The following TMEM132B variants were observed in gnomAD, a reference collection of about 807,000 sequenced individuals.
The protein encoded by TMEM132B is transmembrane protein 132B.
A neutral mutation model predicts 90.8 loss-of-function variants in TMEM132B; 18 were observed. The ratio of observed to expected loss-of-function variants is 0.20; its 90% CI spans 0.14 to 0.29. The LOEUF (loss-of-function observed/expected upper bound fraction) is 0.29. Ranked by LOEUF, TMEM132B falls within the 10% of genes least tolerant of loss-of-function variation. TMEM132B has a pLI of 1.00. For missense variants in TMEM132B, 1,096 were observed against 1,326.8 expected (o/e 0.83, Z 2.70); for synonymous variants, 504 against 523.3 (o/e 0.96, Z 0.50).
intron 7 of TMEM132B, among the ~76,000 whole-genome samples, chr12:125,651,711 G>A (rs969913693): frequency 4.6e-5 from 7 of 152,168 alleles, no homozygotes; most frequent in African/African-American, 1.7e-4. Context: ...TGTGCTCAGG[G>A]CACCATGAGG....
intron 3 of TMEM132B, among the ~76,000 whole-genome samples, chr12:125,508,356 G>A (rs936733286): frequency 4.6e-5 from 7 of 152,196 alleles, no homozygotes; most frequent in Non-Finnish European, 8.8e-5. Flanking sequence ...CATTGTTACA[G>A]TTCCCTTAAT....
chr12:125,444,940 C>T (rs1397799594), intron 3 of TMEM132B, among the ~76,000 whole-genome samples: 2 of 152,122 alleles, frequency 1.3e-5, no homozygotes, highest in African/African-American at 2.4e-5. Context: ...CCCCCACAAC[C>T]ACGGAAGGCA....
At chr12:125,245,884 G>T (rs1029867061) in intron 1 of TMEM132B, among the ~76,000 whole-genome samples, 5 of 152,180 alleles carry the variant, frequency 3.3e-5, no homozygotes, top group African/African-American at 1.2e-4. Flanking sequence ...GTCCTCCAGG[G>T]TCCAGGCTCT....
chr12:125,298,265 C>T (rs914554245), intron 1 of TMEM132B, among the ~76,000 whole-genome samples: 1 of 151,594 alleles, frequency 6.6e-6, no homozygotes, highest in African/African-American at 2.4e-5. Flanking sequence ...CACAACAAAA[C>T]AAAACAAAAT....
chr12:125,430,800 G>A (rs1306374336), intron 3 of TMEM132B, among the ~76,000 whole-genome samples: 1 of 152,230 alleles, frequency 6.6e-6, no homozygotes, highest in African/African-American at 2.4e-5. Context: ...ATATGCAATT[G>A]TATGTCAGGT....
At chr12:125,353,489 C>T (rs760763143) in intron 2 of TMEM132B, among the ~76,000 whole-genome samples, 1 of 152,238 alleles carries the variant, frequency 6.6e-6, no homozygotes, top group South Asian at 2.1e-4. Flanking sequence ...CGGGCAGTGG[C>T]ATACCCAGCA....
intron 1 of TMEM132B, among the ~76,000 whole-genome samples, chr12:125,305,066 A>T (rs554826314): frequency 6.6e-6 from 1 of 151,526 alleles, no homozygotes; most frequent in South Asian, 2.1e-4. Context: ...GAGGTTGGGC[A>T]CTCCTTGTCA....
intron 1 of TMEM132B, among the ~76,000 whole-genome samples, chr12:125,314,082 G>A (rs755250409): frequency 4.6e-5 from 7 of 152,050 alleles, no homozygotes; most frequent in Non-Finnish European, 1.0e-4. Context: ...CTGCCTGGGC[G>A]GCGTGCGAAC....
chr12:125,607,910 C>T (rs1381565582), intron 5 of TMEM132B, among the ~76,000 whole-genome samples: 1 of 152,174 alleles, frequency 6.6e-6, no homozygotes, highest in East Asian at 1.9e-4. Flanking sequence ...TTTCAAGGTT[C>T]ATTTACACAG....
At chr12:125,608,043 A>G (rs1262125422) in intron 5 of TMEM132B, among the ~76,000 whole-genome samples, 2 of 152,176 alleles carry the variant, frequency 1.3e-5, no homozygotes, top group African/African-American at 2.4e-5. Flanking sequence ...TAAAGTCACT[A>G]TGGACATCTG....
At chr12:125,300,189 C>A (rs1449554050) in intron 1 of TMEM132B, among the ~76,000 whole-genome samples, 1 of 152,150 alleles carries the variant, frequency 6.6e-6, no homozygotes, top group Non-Finnish European at 1.5e-5. Context: ...TCTTAGCCTG[C>A]CCTTTTGTTC....
intron 1 of TMEM132B, among the ~76,000 whole-genome samples, chr12:125,340,797 C>T (rs1313503011): frequency 1.3e-5 from 2 of 152,200 alleles, no homozygotes; most frequent in Non-Finnish European, 2.9e-5. Context: ...AGTCTTGGCA[C>T]ACACCGCTGG....
chr12:125,652,297 C>T lies in TMEM132B; in HGVS notation c.1915-144C>T, dbSNP rs562888728. On this transcript the variant is annotated intron_variant, in intron 7 of 8. Coordinates refer to ENST00000682704, the MANE Select transcript of TMEM132B (RefSeq NM_001366854.1). The stretch of plus-strand genomic sequence containing the variant: ...GTAATTGTGAAGTGTGATTGAACAA[C>T]GGCATAATACTTCCCTAACCGATTC... 5.1e-4 allele frequency: 334 copies of T among 651,128 alleles called. 5 individuals carry two copies. In the South Asian group the frequency reaches 7.0e-3, roughly 14 times the overall value. The allele number at this position is 651,128 out of a possible 1,614,324, so 40.3% of individuals were successfully genotyped here. A position where few individuals can be genotyped will look rare whatever the true frequency, so the allele number is the denominator to read the frequency against.
chr12:125,309,823 G>C (rs759873721), intron 1 of TMEM132B, among the ~76,000 whole-genome samples: 4 of 152,166 alleles, frequency 2.6e-5, no homozygotes, highest in Non-Finnish European at 5.9e-5. Context: ...CATTTATTTT[G>C]CTCACTAGTT....
chr12:125,643,968 G>C, intron 5 of TMEM132B, 108 bp from the exon 6 acceptor site: 2 of 939,156 alleles, frequency 2.1e-6, no homozygotes, highest in South Asian at 3.1e-5. Context: ...GGGTTGTTTT[G>C]GTGTCTAATA....
At chr12:125,244,334 G>T (rs1455599639) in intron 1 of TMEM132B, among the ~76,000 whole-genome samples, 1 of 152,184 alleles carries the variant, frequency 6.6e-6, no homozygotes, top group African/African-American at 2.4e-5. Flanking sequence ...TATTGGGGAG[G>T]CTCAGTGCTT....
intron 1 of TMEM132B, among the ~76,000 whole-genome samples, chr12:125,346,420 G>A (rs1481052952): frequency 1.3e-5 from 2 of 152,176 alleles, no homozygotes; most frequent in African/African-American, 2.4e-5. Flanking sequence ...TCACTTCCAA[G>A]TCTGGTGTGC....
chr12:125,542,845 T>G (rs1045450804), intron 4 of TMEM132B, among the ~76,000 whole-genome samples: 1 of 152,224 alleles, frequency 6.6e-6, no homozygotes, highest in Admixed American at 6.5e-5. Flanking sequence ...CTTTTGAGTA[T>G]ATTGGAGAGC....
At chr12:125,505,679 CAA>C (rs1256977932) in intron 3 of TMEM132B, among the ~76,000 whole-genome samples, 1 of 147,766 alleles carries the variant, frequency 6.8e-6, no homozygotes, top group Non-Finnish European at 1.5e-5. Flanking sequence ...GCTTGGGCGA[CAA>C]GAGCGAAACC....
Sources: gnomAD v4.1 joint callset for allele counts (sites outside exome capture counted in the v4.1 genomes callset) on GRCh38, gnomAD v4.1.1 for gene constraint, MANE v1.5 for transcripts, NCBI Gene and HGNC (gene_info 2026-07-23, HGNC 2026-07-21) for gene names.